The following ABLIM3 variants were observed in gnomAD, a reference collection of about 807,000 sequenced individuals.
The protein encoded by ABLIM3 is actin-binding LIM protein 3.
In ABLIM3, 61 loss-of-function variants were observed where a neutral mutation model predicts 109.5. That is an observed-to-expected ratio of 0.56 (90% CI 0.45 to 0.69). The LOEUF (loss-of-function observed/expected upper bound fraction) is 0.69. ABLIM3 is among the 30% of genes least tolerant of loss of function. The probability of loss-of-function intolerance (pLI) is 0.00; values close to 1 mark genes in which losing one functional copy is unlikely to be tolerated. For synonymous variants in ABLIM3, 300 were observed against 324.8 expected (o/e 0.92, Z 0.82); for missense variants, 796 against 889.5 (o/e 0.89, Z 1.34).
At position 149,259,759 on chromosome 5, in the gene ABLIM3, C is replaced by A; in HGVS notation, c.*1355C>A. 1 of 661,630 alleles carries A rather than the reference C, an allele frequency of 1.5e-6. No individual in the cohort carries two copies. Among genetic ancestry groups the A allele is most frequent in the Non-Finnish European group, 2.6e-6 (1 of 391,214 alleles). 41.0% of individuals were successfully genotyped at this position (661,630 alleles called of 1,614,324 possible). A position where few individuals can be genotyped will look rare whatever the true frequency, so the allele number is the denominator to read the frequency against. ...GTTCCTTCTTGGAGAAGCCTTGAGTCGGACCATTTTGAGATCATGGAGGAA... is the reference window on the plus strand; with the variant it reads ...GTTCCTTCTTGGAGAAGCCTTGAGTAGGACCATTTTGAGATCATGGAGGAA... On this transcript the variant is annotated 3_prime_UTR_variant, in exon 24 of 24. Transcript: ENST00000309868.
chr5:149,213,225 A>G (rs1444554934), intron 7 of ABLIM3, among the ~76,000 whole-genome samples: 1 of 152,310 alleles, frequency 6.6e-6, no homozygotes, highest in East Asian at 1.9e-4. Context: ...GCACCACCAG[A>G]GTCCTCAGGA....
intron 23 of ABLIM3, among the ~76,000 whole-genome samples, chr5:149,255,511 A>G (rs1404630659): frequency 6.6e-6 from 1 of 152,212 alleles, no homozygotes. Flanking sequence ...GAGAGAAGAG[A>G]AGGGGATTAG....
chr5:149,222,904 T>G (rs1760804198), intron 8 of ABLIM3, among the ~76,000 whole-genome samples: 1 of 152,138 alleles, frequency 6.6e-6, no homozygotes, highest in African/African-American at 2.4e-5. Flanking sequence ...TTTCGTAGTT[T>G]AGCATTATTA....
rs143059544 is a variant in ABLIM3 at position 149,244,957 on chromosome 5, G to T, written c.1428G>T (p.Ser476=). The T allele has an allele frequency of 2.6e-5, 42 of 1,613,934 alleles. 1 individual carries two copies. The South Asian group carries it at 4.3e-4, about 16-fold the overall frequency. ...CCTCCAAGTACAGTCCCATCTACTCGCCAGACCCCTACTATGCTTCGGAGT... is the reference window on the plus strand; with the variant it reads ...CCTCCAAGTACAGTCCCATCTACTCTCCAGACCCCTACTATGCTTCGGAGT... ...SQTSKYSPIY[S]PDPYYASESE... The change falls in exon 16 of 24, where the codon TCG becomes TCT. Residue 476 remains serine (S), a synonymous_variant. Coordinates refer to ENST00000309868, the MANE Select transcript of ABLIM3 (RefSeq NM_014945.5).
intron 2 of ABLIM3, among the ~76,000 whole-genome samples, chr5:149,182,060 C>T (rs1307180182): frequency 6.6e-6 from 1 of 152,196 alleles, no homozygotes; most frequent in African/African-American, 2.4e-5. Context: ...AAGCAAGTCA[C>T]CATGTGCAAT....
intron 2 of ABLIM3, among the ~76,000 whole-genome samples, chr5:149,162,411 C>G (rs1754455338): frequency 6.6e-6 from 1 of 152,170 alleles, no homozygotes; most frequent in South Asian, 2.1e-4. Flanking sequence ...GGCCATGCAT[C>G]CCTTCATGTG....
At chr5:149,251,637 C>T (rs1453009532) in intron 21 of ABLIM3, among the ~76,000 whole-genome samples, 3 of 152,178 alleles carry the variant, frequency 2.0e-5, no homozygotes, top group African/African-American at 7.2e-5. Context: ...GTCTCCAAGC[C>T]ACCTGTCCCA....
At chr5:149,230,528 G>A (rs867428128) in intron 8 of ABLIM3, 121 bp from the exon 9 acceptor site, 13 of 1,019,322 alleles carry the variant, frequency 1.3e-5, no homozygotes, top group African/African-American at 1.1e-4. Flanking sequence ...AAGCCAAGAG[G>A]GCCCTTCTGG....
chr5:149,232,236 G>A (rs986421671), intron 9 of ABLIM3, among the ~76,000 whole-genome samples: 24 of 152,278 alleles, frequency 1.6e-4, no homozygotes, highest in Admixed American at 1.4e-3. Flanking sequence ...AAAATGAGAG[G>A]CAGAGGTTGC....
rs1762283857 is a variant in ABLIM3, at chr5:149,235,738, C to G, written c.889-1710C>G. Among the ~76,000 whole-genome samples the G allele has an allele frequency of 2.0e-5, 3 of 152,248 alleles. No individual in the cohort carries two copies. In the South Asian group the frequency reaches 6.2e-4, roughly 32 times the overall value. Reference sequence around the variant, plus strand: ...TAAAGGCTTTTTTTACCCACACACCCCCAGAACTGGTGCAGATGTGAGTGT... The same window carrying G: ...TAAAGGCTTTTTTTACCCACACACCGCCAGAACTGGTGCAGATGTGAGTGT... On this transcript the variant is annotated intron_variant, in intron 10 of 23. Coordinates refer to ENST00000309868, the MANE Select transcript of ABLIM3 (RefSeq NM_014945.5).
rs1010198637 is a variant in ABLIM3, at chr5:149,250,608, G to T, written c.1788+103G>T. On this transcript the variant is annotated intron_variant, in intron 20 of 23. Coordinates refer to ENST00000309868, the MANE Select transcript of ABLIM3 (RefSeq NM_014945.5). ...GTGAAACCTGAGCAAAGGTCCTGGG[G>T]CTAGTGGTGGGTTAACTGACACAAC... is the stretch of plus-strand genomic sequence containing the variant. 1.0e-5 allele frequency: 14 copies of T among 1,365,122 alleles called. No homozygotes were observed. In the Admixed American group the frequency reaches 1.1e-4, roughly 11 times the overall value. 84.6% of individuals were successfully genotyped at this position (1,365,122 alleles called of 1,614,324 possible). A position where few individuals can be genotyped will look rare whatever the true frequency, so the allele number is the denominator to read the frequency against.
Position 149,207,048 on chromosome 5 carries a change from A to C in ABLIM3, c.489A>C (p.Ser163=). 1 of 1,613,776 alleles carries C rather than the reference A, an allele frequency of 6.2e-7. No homozygotes were observed. The highest frequency in any genetic ancestry group is 1.7e-5 in the Admixed American group (1 of 59,974). ...AGGAGGAGATCAAGCACGGCCAGTCACTCCTGGCTCTGGACAAGCAGTGGC... is the reference window on the plus strand; with the variant it reads ...AGGAGGAGATCAAGCACGGCCAGTCCCTCCTGGCTCTGGACAAGCAGTGGC... ...GCKEEIKHGQ[S]LLALDKQWHV... is the part of the protein sequence containing the mutation. The change falls in exon 6 of 24, where the codon TCA becomes TCC. Residue 163 remains serine, a synonymous_variant. Transcript: ENST00000309868.
At chr5:149,202,736 A>G (rs1359100631) in intron 5 of ABLIM3, among the ~76,000 whole-genome samples, 1 of 152,180 alleles carries the variant, frequency 6.6e-6, no homozygotes, top group Non-Finnish European at 1.5e-5. Context: ...ATACTCAGGA[A>G]CTGTCAAGAG....
chr5:149,183,219 A>C (rs1756615149), intron 2 of ABLIM3, among the ~76,000 whole-genome samples: 1 of 152,224 alleles, frequency 6.6e-6, no homozygotes, highest in Non-Finnish European at 1.5e-5. Context: ...CTTGCAAGGA[A>C]AGGTGATGCT....
chr5:149,257,711 T>C (rs1407396759), intron 23 of ABLIM3, among the ~76,000 whole-genome samples: 2 of 152,210 alleles, frequency 1.3e-5, no homozygotes, highest in Admixed American at 6.5e-5. Context: ...AAATCCACTA[T>C]AGAATGCAGA....
chr5:149,231,757 A>G (rs1488826340), intron 9 of ABLIM3, among the ~76,000 whole-genome samples: 1 of 151,970 alleles, frequency 6.6e-6, no homozygotes, highest in Non-Finnish European at 1.5e-5. Context: ...ATCGTCTACA[A>G]CCCTGATGCC....
At chr5:149,185,475 G>T (rs1756871158) in intron 3 of ABLIM3, among the ~76,000 whole-genome samples, 1 of 152,196 alleles carries the variant, frequency 6.6e-6, no homozygotes, top group Admixed American at 6.5e-5. Context: ...CAGATTCAAG[G>T]TCACGGAGAA....
intron 3 of ABLIM3, among the ~76,000 whole-genome samples, chr5:149,196,886 A>G (rs1200157993): frequency 6.6e-6 from 1 of 152,110 alleles, no homozygotes; most frequent in Non-Finnish European, 1.5e-5. Flanking sequence ...ACATAATTCA[A>G]TTGTTGAAAC....
chr5:149,248,689 CAAAAAAAAAAAA>C lies in ABLIM3; in HGVS notation c.1699+770_1699+781del, dbSNP rs10659679. 4.5e-3 allele frequency among the ~76,000 whole-genome samples: 358 copies of C among 78,992 alleles called. 2 individuals are homozygous for C. Among genetic ancestry groups the C allele is most frequent in the African/African-American group, 0.017 (328 of 19,152 alleles). 51.8% of individuals were successfully genotyped at this position (78,992 alleles called of 152,430 possible). A position where few individuals can be genotyped will look rare whatever the true frequency, so the allele number is the denominator to read the frequency against. ...TGGGCAACAGAGCGAGACTCTCTCT[CAAAAAAAAAAAA>C]AAAAAAAAAGAACGATGTCTTATAA... is the stretch of plus-strand genomic sequence containing the variant. On this transcript the variant is annotated intron_variant, in intron 18 of 23. Coordinates refer to ENST00000309868, the MANE Select transcript of ABLIM3 (RefSeq NM_014945.5).
Sources: gnomAD v4.1 joint callset for allele counts (sites outside exome capture counted in the v4.1 genomes callset) on GRCh38, gnomAD v4.1.1 for gene constraint, MANE v1.5 for transcripts, NCBI Gene and HGNC (gene_info 2026-07-23, HGNC 2026-07-21) for gene names.